Variants in SERGEF observed in about 807,000 individuals in gnomAD.
The protein encoded by SERGEF is secretion regulating guanine nucleotide exchange factor.
In SERGEF, 51 loss-of-function variants were observed where a neutral mutation model predicts 50.0. That is an observed-to-expected ratio of 1.02 (90% CI 0.81 to 1.29). The LOEUF (loss-of-function observed/expected upper bound fraction) is 1.29, where lower values mean the gene tolerates loss of function less well. SERGEF is among the 50% of genes most tolerant of loss of function. The pLI, the probability that SERGEF is intolerant of heterozygous loss-of-function variation, is 0.00. For missense variants in SERGEF, 521 were observed against 557.0 expected, an observed-to-expected ratio of 0.94 and a Z score of 0.65; for synonymous variants, 205 against 212.4, an observed-to-expected ratio of 0.97 and a Z score of 0.30.
intron 10 of SERGEF, among the ~76,000 whole-genome samples, chr11:17,870,409 G>A (rs182170587): frequency 1.3e-5 from 2 of 152,290 alleles, no homozygotes; most frequent in Non-Finnish European, 2.9e-5. Flanking sequence ...GACTTGAAAA[G>A]CTATGGCTGG....
Position 17,946,824 on chromosome 11 carries a change from C to A in SERGEF, c.1011+12646G>T, listed in dbSNP as rs1330877818. The stretch of plus-strand genomic sequence containing the variant: ...AGGAGTCAGCATTCTGTTTTTGTTT[C>A]TCTCCCTCCAGAACTAATACATTAT... On this transcript the variant is annotated intron_variant, in intron 9 of 10. Coordinates refer to ENST00000265965, the MANE Select transcript of SERGEF (RefSeq NM_012139.4). Among the ~76,000 whole-genome samples the A allele has an allele frequency of 2.6e-5, 4 of 152,324 alleles. No individual in the cohort carries two copies. In the East Asian group the frequency reaches 7.7e-4, roughly 29 times the overall value.
chr11:17,987,946 A>C (rs1299592534), intron 8 of SERGEF, among the ~76,000 whole-genome samples: 1 of 152,222 alleles, frequency 6.6e-6, no homozygotes, highest in African/African-American at 2.4e-5. Context: ...GCAGGGATGA[A>C]TAGAGGCCAT....
chr11:17,843,033 TA>T, intron 10 of SERGEF, among the ~76,000 whole-genome samples: 2 of 152,322 alleles, frequency 1.3e-5, no homozygotes, highest in East Asian at 3.9e-4. Flanking sequence ...CAACCTATAA[TA>T]GTTCCTTGAA....
intron 9 of SERGEF, among the ~76,000 whole-genome samples, chr11:17,910,337 C>G (rs921741582): frequency 6.6e-6 from 1 of 152,150 alleles, no homozygotes; most frequent in Non-Finnish European, 1.5e-5. Flanking sequence ...TAACCTCAAA[C>G]TCTTGGGCTC....
At position 17,895,625 on chromosome 11, in the gene SERGEF, T is replaced by G. The variant is rs192232997; in HGVS notation, c.1012-17381A>C. Among the ~76,000 whole-genome samples, 121 of 152,364 alleles carry G rather than the reference T, an allele frequency of 7.9e-4. 1 individual carries two copies. In the East Asian group the frequency reaches 0.023, roughly 28 times the overall value. ...AGTTGTAGATTTTCAGGTTCTGTTC[T>G]GGGTGACATACATATACATATACAT... On this transcript the variant is annotated intron_variant, in intron 9 of 10. Coordinates refer to ENST00000265965, the MANE Select transcript of SERGEF (RefSeq NM_012139.4).
intron 10 of SERGEF, among the ~76,000 whole-genome samples, chr11:17,819,666 A>C (rs2133842997): frequency 6.6e-6 from 1 of 152,312 alleles, no homozygotes; most frequent in Admixed American, 6.5e-5. Flanking sequence ...AGGAGGAATG[A>C]ATAATACAAA....
intron 1 of SERGEF, chr11:18,010,039 A>G: frequency 1.1e-6 from 1 of 941,744 alleles, no homozygotes; most frequent in Non-Finnish European, 1.4e-6. Flanking sequence ...TCTTACTAAG[A>G]TTTCAGAAAT....
chr11:17,867,600 C>T (rs775391117), intron 10 of SERGEF, among the ~76,000 whole-genome samples: 30 of 152,190 alleles, frequency 2.0e-4, no homozygotes, highest in Non-Finnish European at 3.5e-4. Context: ...CTCTTCTCAC[C>T]GCTCCACTAG....
At chr11:17,860,859 G>C (rs1354980232) in intron 10 of SERGEF, among the ~76,000 whole-genome samples, 1 of 152,228 alleles carries the variant, frequency 6.6e-6, no homozygotes, top group Non-Finnish European at 1.5e-5. Context: ...TAAGAGCTTA[G>C]TGAGACAGTG....
chr11:17,861,740 T>G (rs1275783530), intron 10 of SERGEF, among the ~76,000 whole-genome samples: 2 of 152,218 alleles, frequency 1.3e-5, no homozygotes, highest in Non-Finnish European at 2.9e-5. Context: ...AGGCCTGGAG[T>G]TGCCAACTAG....
intron 9 of SERGEF, among the ~76,000 whole-genome samples, chr11:17,905,534 C>T (rs1353476358): frequency 6.6e-6 from 1 of 152,176 alleles, no homozygotes; most frequent in Non-Finnish European, 1.5e-5. Context: ...AGTTATCTGG[C>T]AGAGATTGGA....
At chr11:17,902,499 G>A (rs1440286236) in intron 9 of SERGEF, among the ~76,000 whole-genome samples, 2 of 152,178 alleles carry the variant, frequency 1.3e-5, no homozygotes, top group South Asian at 2.1e-4. Context: ...ACTGACTGGA[G>A]CACTCTCATC....
chr11:17,896,574 AGGG>A (rs1851627498), intron 9 of SERGEF, among the ~76,000 whole-genome samples: 1 of 37,086 alleles, frequency 2.7e-5, no homozygotes, highest in African/African-American at 1.3e-4. Flanking sequence ...GGGAAGGGGA[AGGG>A]AAGGGAAGGG....
intron 9 of SERGEF, among the ~76,000 whole-genome samples, chr11:17,957,171 T>C (rs1852892612): frequency 6.6e-6 from 1 of 152,198 alleles, no homozygotes; most frequent in African/African-American, 2.4e-5. Flanking sequence ...CCACTCCTGA[T>C]AAGCTACGTA....
At chr11:17,916,513 T>C (rs1852051101) in intron 9 of SERGEF, among the ~76,000 whole-genome samples, 1 of 152,192 alleles carries the variant, frequency 6.6e-6, no homozygotes, top group Admixed American at 6.5e-5. Flanking sequence ...AGTAGAGACC[T>C]GGAAATCTGT....
At chr11:18,000,841 T>C (rs978518309) in intron 4 of SERGEF, 1 of 579,368 alleles carries the variant, frequency 1.7e-6, no homozygotes, top group African/African-American at 1.8e-5. Flanking sequence ...ATGTTTTCTG[T>C]AAAGGGACAG....
At chr11:17,909,985 C>T (rs1268510576) in intron 9 of SERGEF, among the ~76,000 whole-genome samples, 1 of 152,126 alleles carries the variant, frequency 6.6e-6, no homozygotes, top group Non-Finnish European at 1.5e-5. Flanking sequence ...TTGTCTAGTT[C>T]CCTATCTCTC....
intron 10 of SERGEF, among the ~76,000 whole-genome samples, chr11:17,847,556 T>C (rs553434736): frequency 6.6e-6 from 1 of 152,334 alleles, no homozygotes; most frequent in East Asian, 1.9e-4. Flanking sequence ...TTTAAAACGC[T>C]ATTTACAAAG....
chr11:18,000,410 C>A, intron 5 of SERGEF, 87 bp downstream of exon 5: 1 of 883,496 alleles, frequency 1.1e-6, no homozygotes, highest in Non-Finnish European at 1.7e-6. Context: ...GATCGAGCCA[C>A]TGCACTCCAG....
Sources: gnomAD v4.1 joint callset for allele counts (sites outside exome capture counted in the v4.1 genomes callset) on GRCh38, gnomAD v4.1.1 for gene constraint, MANE v1.5 for transcripts, NCBI Gene and HGNC (gene_info 2026-07-23, HGNC 2026-07-21) for gene names.